Variants in CAST observed in about 807,000 individuals in gnomAD.
CAST encodes calpastatin.
CAST carries 76 observed loss-of-function variants against 119.6 expected under a neutral mutation model. The ratio of observed to expected loss-of-function variants is 0.64; its 90% CI spans 0.53 to 0.77. The LOEUF is 0.77. Ranked by LOEUF, CAST falls within the 30% of genes least tolerant of loss-of-function variation. The pLI is 0.00. For synonymous variants in CAST, 319 were observed against 331.6 expected, an observed-to-expected ratio of 0.96 and a Z score of 0.41; for missense variants, 953 against 946.5, an observed-to-expected ratio of 1.01 and a Z score of -0.09.
the CAST span, among the ~76,000 whole-genome samples, chr5:96,165,657 G>C: frequency 6.6e-6 from 1 of 152,018 alleles, no homozygotes; most frequent in African/African-American, 2.4e-5. Context: ...TGCTTTTATT[G>C]ATTTTTGCCA....
At chr5:96,194,944 C>G in the CAST span, among the ~76,000 whole-genome samples, 1 of 152,244 alleles carries the variant, frequency 6.6e-6, no homozygotes, top group East Asian at 1.9e-4. Flanking sequence ...CAGTAAGATG[C>G]AGGCATACCT....
intron 1 of CAST, among the ~76,000 whole-genome samples, chr5:96,667,181 G>C (rs1410629665): frequency 2.0e-5 from 3 of 152,164 alleles, no homozygotes; most frequent in African/African-American, 4.8e-5. Context: ...GAAGAAAAAG[G>C]TCTAAAGTTA....
chr5:96,365,927 G>T, the CAST span, among the ~76,000 whole-genome samples: 1 of 152,106 alleles, frequency 6.6e-6, no homozygotes, highest in African/African-American at 2.4e-5. Context: ...TACCTTCGAT[G>T]GTCTTTACAA....
chr5:96,534,716 A>AAGGAAGGAAGGAAGGAAGGAAGGAAT, intron 1 of CAST, among the ~76,000 whole-genome samples: 1 of 34,768 alleles, frequency 2.9e-5, no homozygotes, highest in Non-Finnish European at 5.4e-5. Flanking sequence ...GGAAGGAAGG[A>AAGGAAGGAAGGAAGGAAGGAAGGAAT]GAGAGAGAGA....
the CAST span, among the ~76,000 whole-genome samples, chr5:96,062,842 T>G: frequency 6.6e-6 from 1 of 152,024 alleles, no homozygotes; most frequent in African/African-American, 2.4e-5. Context: ...CCCGCAGTGA[T>G]GAGGTCTGGG....
chr5:96,602,356 G>A (rs189802750), intron 1 of CAST, among the ~76,000 whole-genome samples: 76 of 152,288 alleles, frequency 5.0e-4, no homozygotes, highest in African/African-American at 1.4e-3. Flanking sequence ...ATGAAGCAGC[G>A]TCAGATAAGA....
chr5:96,674,661 C>A (rs1750483818), intron 1 of CAST, among the ~76,000 whole-genome samples: 1 of 152,154 alleles, frequency 6.6e-6, no homozygotes, highest in Non-Finnish European at 1.5e-5. Flanking sequence ...AGCTTTTATA[C>A]CCCACGTAAA....
the CAST span, among the ~76,000 whole-genome samples, chr5:96,076,234 C>T: frequency 6.6e-6 from 1 of 152,298 alleles, no homozygotes; most frequent in South Asian, 2.1e-4. Context: ...GTGGGATTAT[C>T]TGCATTCTAT....
chr5:96,575,440 G>C (rs1746651875), intron 1 of CAST, among the ~76,000 whole-genome samples: 1 of 152,028 alleles, frequency 6.6e-6, no homozygotes, highest in Non-Finnish European at 1.5e-5. Flanking sequence ...ACTATGTTGA[G>C]TAAGAATGGA....
At chr5:96,294,557 C>T in the CAST span, among the ~76,000 whole-genome samples, 1 of 152,200 alleles carries the variant, frequency 6.6e-6, no homozygotes, top group Non-Finnish European at 1.5e-5. Flanking sequence ...AATTGCCAGT[C>T]TCTGAACATT....
At chr5:95,966,859 T>C in the CAST span, among the ~76,000 whole-genome samples, 1 of 152,334 alleles carries the variant, frequency 6.6e-6, no homozygotes, top group South Asian at 2.1e-4. Flanking sequence ...GACTCAGATT[T>C]GATTCCTCTA....
At chr5:96,162,127 G>A in the CAST span, among the ~76,000 whole-genome samples, 6 of 152,150 alleles carry the variant, frequency 3.9e-5, no homozygotes, top group South Asian at 2.1e-4. Context: ...TAATTGTTCT[G>A]GCTAGAACCT....
the CAST span, among the ~76,000 whole-genome samples, chr5:96,250,716 G>C: frequency 2.0e-4 from 30 of 152,196 alleles, no homozygotes; most frequent in Non-Finnish European, 3.8e-4. Flanking sequence ...ACAGCAGTCT[G>C]CATCAGGATG....
chr5:96,433,005 A>G, the CAST span: 2 of 1,614,204 alleles, frequency 1.2e-6, no homozygotes, highest in Admixed American at 3.3e-5. Flanking sequence ...AAAGAGGACG[A>G]AAGCAGTGCA....
chr5:95,971,371 A>C, the CAST span, among the ~76,000 whole-genome samples: 1 of 152,230 alleles, frequency 6.6e-6, no homozygotes, highest in African/African-American at 2.4e-5. Flanking sequence ...ATGTACTTTA[A>C]AAATAGAAAA....
At chr5:96,581,657 G>A (rs1254416824) in intron 1 of CAST, among the ~76,000 whole-genome samples, 5 of 152,150 alleles carry the variant, frequency 3.3e-5, no homozygotes, top group African/African-American at 7.2e-5. Flanking sequence ...TTGGGAGGCC[G>A]AGACGGGCGG....
At chr5:96,245,856 A>C in the CAST span, among the ~76,000 whole-genome samples, 1 of 152,070 alleles carries the variant, frequency 6.6e-6, no homozygotes, top group Admixed American at 6.6e-5. Flanking sequence ...ATGTCTTTGA[A>C]CTTCTTAGGG....
At chr5:96,512,355 G>A in the CAST span, among the ~76,000 whole-genome samples, 7 of 152,280 alleles carry the variant, frequency 4.6e-5, no homozygotes, top group South Asian at 1.2e-3. Flanking sequence ...TTATAAACCT[G>A]TATATTTTGC....
the CAST span, among the ~76,000 whole-genome samples, chr5:96,143,357 C>T: frequency 6.6e-6 from 1 of 152,196 alleles, no homozygotes; most frequent in Admixed American, 6.5e-5. Context: ...CACCTGTATG[C>T]ACTTTTAATC....
Sources: gnomAD v4.1 joint callset for allele counts (sites outside exome capture counted in the v4.1 genomes callset) on GRCh38, gnomAD v4.1.1 for gene constraint, MANE v1.5 for transcripts, NCBI Gene and HGNC (gene_info 2026-07-23, HGNC 2026-07-21) for gene names.